Variants in PPARG observed in about 807,000 individuals in gnomAD.
PPARG encodes peroxisome proliferator activated receptor gamma.
Under a neutral mutation model 39.2 loss-of-function variants are expected in PPARG, and 17 were observed. The observed-to-expected ratio is 0.43, with a 90% confidence interval of 0.30 to 0.65. The LOEUF (loss-of-function observed/expected upper bound fraction) is 0.65, where lower values mean the gene tolerates loss of function less well. Among genes scored for constraint, PPARG ranks in the 30% least tolerant of loss-of-function variants. The pLI is 0.13. For synonymous variants in PPARG, 223 were observed against 215.7 expected (o/e 1.03, Z -0.30); for missense variants, 406 against 585.9 (o/e 0.69, Z 3.17).
intron 7 of PPARG, among the ~76,000 whole-genome samples, chr3:12,421,812 G>A (rs541473658): frequency 3.3e-5 from 5 of 152,148 alleles, no homozygotes; most frequent in Middle Eastern, 3.2e-3. Context: ...GCTTGGTGAC[G>A]CAAACCACCT....
intron 6 of PPARG, among the ~76,000 whole-genome samples, chr3:12,407,337 A>G (rs2050708677): frequency 6.6e-6 from 1 of 151,834 alleles, no homozygotes; most frequent in Non-Finnish European, 1.5e-5. Flanking sequence ...ATTTTTTTGT[A>G]TTTTTAGTAG....
chr3:12,303,299 C>T (rs916726228), intron 1 of PPARG, among the ~76,000 whole-genome samples: 4 of 151,950 alleles, frequency 2.6e-5, no homozygotes, highest in African/African-American at 7.3e-5. Flanking sequence ...TGGGTTCAAG[C>T]GATTCTCCTG....
chr3:12,374,603 AAAAAC>A (rs371146794), intron 2 of PPARG, among the ~76,000 whole-genome samples: 1 of 152,194 alleles, frequency 6.6e-6, no homozygotes, highest in Non-Finnish European at 1.5e-5. Flanking sequence ...CACCAAAAAC[AAAAAC>A]AAAACAAAAC....
chr3:12,308,826 A>T (rs1310858325), intron 1 of PPARG, among the ~76,000 whole-genome samples: 3 of 152,236 alleles, frequency 2.0e-5, no homozygotes, highest in African/African-American at 7.2e-5. Context: ...GAAAAGTCTA[A>T]TGGATTTAGC....
chr3:12,388,644 C>G (rs2049964715), intron 4 of PPARG, among the ~76,000 whole-genome samples: 1 of 152,166 alleles, frequency 6.6e-6, no homozygotes, highest in Non-Finnish European at 1.5e-5. Flanking sequence ...ATGTGAGAAG[C>G]TAACCATCTT....
intron 3 of PPARG, 136 bp from the exon 4 acceptor site, chr3:12,381,186 T>G: frequency 1.1e-6 from 1 of 900,722 alleles, no homozygotes; most frequent in Admixed American, 2.2e-5. Flanking sequence ...ACTCCAGTGT[T>G]TTTTCATGTT....
chr3:12,417,167 T>G lies in PPARG; in HGVS notation c.1180+13T>G, dbSNP rs1217879052. The G allele has an allele frequency of 6.2e-7, 1 of 1,612,412 alleles. No homozygotes were observed. The highest frequency in any genetic ancestry group is 8.5e-7 in the Non-Finnish European group (1 of 1,179,532). On this transcript the variant is annotated intron_variant, in intron 7 of 7. Transcript: ENST00000651735. ...ATTCTCAGTGGAGGTAAGATTTGTC[T>G]TTTGATCTTCTATGAAAGAGGGTGG...
At chr3:12,370,900 T>C (rs1382762441) in intron 2 of PPARG, among the ~76,000 whole-genome samples, 3 of 152,208 alleles carry the variant, frequency 2.0e-5, no homozygotes, top group African/African-American at 7.2e-5. Context: ...CAAGAGGAGC[T>C]GTGGACTCTC....
intron 4 of PPARG, among the ~76,000 whole-genome samples, chr3:12,386,697 A>G (rs1263871234): frequency 1.3e-5 from 2 of 152,306 alleles, no homozygotes; most frequent in East Asian, 1.9e-4. Flanking sequence ...CAATAAAACC[A>G]TAACCTTGAG....
chr3:12,313,972 C>G (rs1270650908), intron 2 of PPARG, among the ~76,000 whole-genome samples: 2 of 152,138 alleles, frequency 1.3e-5, no homozygotes, highest in African/African-American at 4.8e-5. Context: ...GCAACTTCCA[C>G]TAATACTAAA....
At chr3:12,307,394 C>T (rs2047102489) in intron 1 of PPARG, among the ~76,000 whole-genome samples, 1 of 152,116 alleles carries the variant, frequency 6.6e-6, no homozygotes, top group Admixed American at 6.5e-5. Context: ...ATACTTCCAC[C>T]TCTCCCAACC....
chr3:12,318,821 A>G (rs2047460126), intron 2 of PPARG, among the ~76,000 whole-genome samples: 1 of 152,196 alleles, frequency 6.6e-6, no homozygotes, highest in Admixed American at 6.5e-5. Context: ...CCATGGGGCA[A>G]AAGGAAAGCA....
chr3:12,376,386 A>G (rs929728023), intron 2 of PPARG, among the ~76,000 whole-genome samples: 2 of 152,334 alleles, frequency 1.3e-5, no homozygotes, highest in African/African-American at 2.4e-5. Context: ...GAGCATTAAA[A>G]TAAAATTGCT....
intron 2 of PPARG, among the ~76,000 whole-genome samples, chr3:12,315,466 C>T (rs1438439000): frequency 6.6e-6 from 1 of 152,182 alleles, no homozygotes; most frequent in Non-Finnish European, 1.5e-5. Flanking sequence ...GAACTCCCTC[C>T]ACTATCTTTG....
chr3:12,351,330 C>T (rs745484345), intron 2 of PPARG: 5 of 555,478 alleles, frequency 9.0e-6, no homozygotes, highest in African/African-American at 3.8e-5. Context: ...CTGTAATGTA[C>T]CAAGTCTTGC....
At chr3:12,326,237 T>C (rs1488716546) in intron 2 of PPARG, among the ~76,000 whole-genome samples, 3 of 152,172 alleles carry the variant, frequency 2.0e-5, no homozygotes, top group Non-Finnish European at 4.4e-5. Flanking sequence ...TATGACAATA[T>C]AGTTTATTGC....
At chr3:12,429,099 CAG>C (rs1208438955) in intron 7 of PPARG, among the ~76,000 whole-genome samples, 4 of 152,166 alleles carry the variant, frequency 2.6e-5, no homozygotes, top group Admixed American at 6.5e-5. Context: ...GAGGCTCAGT[CAG>C]GGGGACAATG....
At chr3:12,429,619 A>G (rs1394090934) in intron 7 of PPARG, among the ~76,000 whole-genome samples, 1 of 150,622 alleles carries the variant, frequency 6.6e-6, no homozygotes, top group Non-Finnish European at 1.5e-5. Context: ...TCCGGGAGCC[A>G]GTGTCTAGTA....
chr3:12,403,109 A>G (rs2050535436), intron 5 of PPARG, among the ~76,000 whole-genome samples: 2 of 151,992 alleles, frequency 1.3e-5, no homozygotes, highest in Non-Finnish European at 2.9e-5. Context: ...CCTGGGCAAC[A>G]TGGTGAAACC....
Sources: gnomAD v4.1 joint callset for allele counts (sites outside exome capture counted in the v4.1 genomes callset) on GRCh38, gnomAD v4.1.1 for gene constraint, MANE v1.5 for transcripts, NCBI Gene and HGNC (gene_info 2026-07-23, HGNC 2026-07-21) for gene names.